The following MSN variants were observed in gnomAD, a reference collection of about 807,000 sequenced individuals.
MSN encodes the protein epididymis luminal protein 70.
MSN carries 2 observed loss-of-function variants against 48.0 expected under a neutral mutation model. The observed-to-expected ratio is 0.04, with a 90% CI of 0.02 to 0.13. The LOEUF (loss-of-function observed/expected upper bound fraction) is 0.13. MSN is among the 10% of genes least tolerant of loss of function. The pLI, the probability that MSN is intolerant of heterozygous loss-of-function variation, is 1.00. For missense variants in MSN, 267 were observed against 470.1 expected (o/e 0.57, Z 3.99); for synonymous variants, 146 against 166.9 (o/e 0.87, Z 0.97).
intron 8 of MSN, among the ~76,000 whole-genome samples, chrX:65,736,146 T>C (rs1237579595): frequency 9.0e-6 from 1 of 111,625 alleles, no homozygotes; most frequent in East Asian, 2.8e-4. Context: ...AGCCAAAACT[T>C]GTCTCCCTAA....
At chrX:65,665,349 C>T (rs774151222), upstream of MSN, among the ~76,000 whole-genome samples, 3 of 112,017 alleles carry the variant, frequency 2.7e-5, no homozygotes, top group Non-Finnish European at 3.8e-5. Flanking sequence ...CATTGCTACT[C>T]CTGCTGCTGA....
intron 1 of MSN, among the ~76,000 whole-genome samples, chrX:65,695,418 T>G: frequency 9.7e-6 from 1 of 103,453 alleles, no homozygotes; most frequent in Middle Eastern, 5.2e-3. Flanking sequence ...GAGAATAGCT[T>G]GAACCTGGGA....
intron 1 of MSN, among the ~76,000 whole-genome samples, chrX:65,636,097 T>C (rs1478357635): frequency 1.8e-5 from 2 of 111,926 alleles, no homozygotes; most frequent in Non-Finnish European, 3.8e-5. Flanking sequence ...GCTTGGTTTC[T>C]CTGCCTCCAG....
At chrX:65,692,625 T>C (rs1400743332) in intron 1 of MSN, among the ~76,000 whole-genome samples, 1 of 112,723 alleles carries the variant, frequency 8.9e-6, no homozygotes, top group Non-Finnish European at 1.9e-5. Context: ...GTATGTATCA[T>C]AAAAATAAGT....
chrX:65,731,737 T>C, intron 5 of MSN, 101 bp from the exon 6 acceptor site: 1 of 979,294 alleles, frequency 1.0e-6, no homozygotes. Flanking sequence ...CCACTCCTGA[T>C]AGCAAGATCC....
intron 1 of MSN, among the ~76,000 whole-genome samples, chrX:65,631,711 G>C (rs756662205): frequency 4.5e-5 from 5 of 111,636 alleles, no homozygotes; most frequent in Non-Finnish European, 9.4e-5. Flanking sequence ...GTCTCACTCT[G>C]TTGCCCATGC....
intron 1 of MSN, among the ~76,000 whole-genome samples, chrX:65,655,860 G>A (rs2070777121): frequency 8.9e-6 from 1 of 111,875 alleles, no homozygotes; most frequent in Non-Finnish European, 1.9e-5. Flanking sequence ...TCTGCTTCCC[G>A]GGTTCAAGTT....
At chrX:65,729,841 G>T in intron 4 of MSN, 129 bp downstream of exon 4, 1 of 699,065 alleles carries the variant, frequency 1.4e-6, no homozygotes. Context: ...ACTGTGTTAT[G>T]CTGCTCAAGA....
chrX:65,723,542 C>A (rs1172675396), intron 2 of MSN, among the ~76,000 whole-genome samples: 1 of 111,782 alleles, frequency 8.9e-6, no homozygotes, highest in African/African-American at 3.3e-5. Context: ...AGGACCATTT[C>A]TCAGAGTGGA....
At chrX:65,652,868 C>T (rs1210468905) in intron 1 of MSN, among the ~76,000 whole-genome samples, 1 of 111,525 alleles carries the variant, frequency 9.0e-6, no homozygotes, top group Non-Finnish European at 1.9e-5. Flanking sequence ...ATTCTGATTT[C>T]TGTTTTTACT....
intron 8 of MSN, among the ~76,000 whole-genome samples, chrX:65,736,437 C>CTT (rs773890199): frequency 1.1e-5 from 1 of 92,337 alleles, no homozygotes; most frequent in South Asian, 4.9e-4. Context: ...ATTCCCCAGG[C>CTT]TTTTTTTTTT....
chrX:65,704,430 TG>T (rs1487315003), intron 1 of MSN, among the ~76,000 whole-genome samples: 1 of 111,920 alleles, frequency 8.9e-6, no homozygotes, highest in Non-Finnish European at 1.9e-5. Flanking sequence ...TGCCTATTAC[TG>T]GGGGCCTTCC....
At chrX:65,718,877 G>A (rs1051272584) in intron 2 of MSN, among the ~76,000 whole-genome samples, 3 of 109,772 alleles carry the variant, frequency 2.7e-5, no homozygotes, top group African/African-American at 1.0e-4. Flanking sequence ...TGGGAGATGG[G>A]CTTAATGATC....
intron 2 of MSN, among the ~76,000 whole-genome samples, chrX:65,718,646 T>C (rs1033402793): frequency 9.1e-6 from 1 of 109,777 alleles, no homozygotes; most frequent in African/African-American, 3.3e-5. Flanking sequence ...AGCGAGACCC[T>C]GTCTCTACAA....
chrX:65,684,787 G>A (rs374395628), intron 1 of MSN, among the ~76,000 whole-genome samples: 6 of 112,436 alleles, frequency 5.3e-5, no homozygotes, highest in Non-Finnish European at 1.1e-4. Context: ...TACCCAGGCC[G>A]GAGTGCAGTG....
chrX:65,675,391 G>C (rs2070987438), intron 1 of MSN, among the ~76,000 whole-genome samples: 1 of 111,218 alleles, frequency 9.0e-6, no homozygotes, highest in South Asian at 3.8e-4. Context: ...GGCCGTTCTG[G>C]GTGGGAAAGT....
rs190142099 is a variant in MSN, at chrX:65,675,724, G to A, written c.12+7871G>A. 1.2e-4 allele frequency among the ~76,000 whole-genome samples: 13 copies of A among 110,548 alleles called. 1 individual carries two copies. The highest frequency in any genetic ancestry group is 3.0e-4 in the African/African-American group (9 of 30,357). The stretch of plus-strand genomic sequence containing the variant: ...GCAATCTTGGCTCACTGCAACCTCC[G>A]CCTCCTGGGTTCAAGCGATTCTCGT... On this transcript the variant is annotated intron_variant, in intron 1 of 12. Coordinates refer to ENST00000360270, the MANE Select transcript of MSN (RefSeq NM_002444.3).
At chrX:65,690,875 G>T (rs904889231) in intron 1 of MSN, among the ~76,000 whole-genome samples, 8 of 111,742 alleles carry the variant, frequency 7.2e-5, no homozygotes, top group Non-Finnish European at 1.5e-4. Context: ...GGGGCACACT[G>T]TATCACAGTG....
At chrX:65,634,500 C>A (rs2070583545) in intron 1 of MSN, among the ~76,000 whole-genome samples, 1 of 110,705 alleles carries the variant, frequency 9.0e-6, no homozygotes, top group Non-Finnish European at 1.9e-5. Flanking sequence ...GTCATCCCAG[C>A]CACTCGGGAG....
Sources: gnomAD v4.1 joint callset for allele counts (sites outside exome capture counted in the v4.1 genomes callset) on GRCh38, gnomAD v4.1.1 for gene constraint, MANE v1.5 for transcripts, NCBI Gene and HGNC (gene_info 2026-07-23, HGNC 2026-07-21) for gene names.